Variants in HECTD4 observed in about 807,000 individuals in gnomAD.
HECTD4 encodes the protein HECT domain E3 ubiquitin protein ligase 4, also known as probable E3 ubiquitin-protein ligase HECTD4.
HECTD4 carries 114 observed loss-of-function variants against 471.5 expected under a neutral mutation model. That is an observed-to-expected ratio of 0.24 (90% CI 0.21 to 0.28). HECTD4 has a LOEUF of 0.28. Among genes scored for constraint, HECTD4 ranks in the 10% least tolerant of loss-of-function variants. The pLI, the probability that HECTD4 is intolerant of heterozygous loss-of-function variation, is 1.00. For synonymous variants in HECTD4, 2,012 were observed against 2,256.0 expected (o/e 0.89, Z 3.07); for missense variants, 3,866 against 5,651.5 (o/e 0.68, Z 10.13).
rs759442069 is a variant in HECTD4 at position 112,264,156 on chromosome 12, G to A, written c.2676C>T (p.Asn892=). The change falls in exon 17 of 76, where the codon AAC becomes AAT. Residue 892 remains asparagine, a synonymous_variant. Transcript: ENST00000682272. ...TCTCATCAGGTTTAATCAAAATAGT[G>A]TTACTGAGAAGGTGATTCTGAACTG... ...LMAVQNHLLS[N]TILIKPDEND... 3 of 1,607,140 alleles carry A rather than the reference G, an allele frequency of 1.9e-6. No individual in the cohort carries two copies. The highest frequency in any genetic ancestry group is 1.7e-6 in the Non-Finnish European group (2 of 1,176,656).
rs542050654 is a variant in HECTD4 at position 112,174,127 on chromosome 12, G to A, written c.11595-1266C>T. Among the ~76,000 whole-genome samples, 9 of 151,290 alleles carry A rather than the reference G, an allele frequency of 5.9e-5. No homozygotes were observed. The South Asian group carries it at 8.4e-4, about 14-fold the overall frequency. On this transcript the variant is annotated intron_variant, in intron 66 of 75. Coordinates refer to ENST00000682272, the MANE Select transcript of HECTD4 (RefSeq NM_001388303.1). ...CAAGTAGCTGGGATTACAGGCGTGC[G>A]CCACCACGCTCGGCTAATTTTTGTA...
chr12:112,257,470 A>G (rs2034042728), intron 20 of HECTD4, among the ~76,000 whole-genome samples: 1 of 152,220 alleles, frequency 6.6e-6, no homozygotes, highest in Non-Finnish European at 1.5e-5. Flanking sequence ...ACAACTTGAT[A>G]AGTTTGGACA....
chr12:112,168,570 G>C (rs1158750203), intron 70 of HECTD4, among the ~76,000 whole-genome samples: 2 of 152,190 alleles, frequency 1.3e-5, no homozygotes, highest in Non-Finnish European at 2.9e-5. Context: ...TGCTTGGTAA[G>C]AGCCATGTGG....
chr12:112,258,439 C>G (rs545366767), intron 20 of HECTD4, 57 bp downstream of exon 20: 7 of 1,246,466 alleles, frequency 5.6e-6, no homozygotes, highest in Non-Finnish European at 7.8e-6. Flanking sequence ...AGGAGTACTA[C>G]GCTTTCACCC....
Position 112,243,534 on chromosome 12 carries a change from G to T in HECTD4, c.4792-15C>A. 1 of 1,603,232 alleles carries T rather than the reference G, an allele frequency of 6.2e-7. No homozygotes were observed. The highest frequency in any genetic ancestry group is 8.5e-7 in the Non-Finnish European group (1 of 1,174,708). On this transcript the variant is annotated splice_polypyrimidine_tract_variant and intron_variant, in intron 31 of 75. Coordinates refer to ENST00000682272, the MANE Select transcript of HECTD4 (RefSeq NM_001388303.1). The surrounding 1 kb of genome is among the most constrained non-coding windows in gnomAD (Gnocchi z 6.6). The stretch of plus-strand genomic sequence containing the variant: ...CTGCTGGACACCTGAAACACACAAG[G>T]AGGGACACCTGACTCCTGCTAACTG...
At chr12:112,165,123 C>T (rs996965512) in intron 72 of HECTD4, among the ~76,000 whole-genome samples, 2 of 145,804 alleles carry the variant, frequency 1.4e-5, no homozygotes, top group African/African-American at 5.1e-5. Flanking sequence ...GTTTCACCAC[C>T]TTGGCCAGGC....
chr12:112,170,107 C>T, intron 69 of HECTD4: 2 of 606,682 alleles, frequency 3.3e-6, no homozygotes, highest in Middle Eastern at 4.5e-4. Context: ...CACCTGACCC[C>T]ATGCAGCTGG....
At position 112,163,446 on chromosome 12, in the gene HECTD4, G is replaced by A. The variant is rs2272308; in HGVS notation, c.12897+96C>T. 0.11 allele frequency: 121,982 copies of A among 1,153,552 alleles called. 7,652 individuals are homozygous for A. The highest frequency in any genetic ancestry group is 0.25 in the African/African-American group (15,907 of 63,754). The allele number at this position is 1,153,552 out of a possible 1,614,324, so 71.5% of individuals were successfully genotyped here. On this transcript the variant is annotated intron_variant, in intron 74 of 75. Transcript: ENST00000682272. The surrounding 1 kb of genome is among the most constrained non-coding windows in gnomAD (Gnocchi z 8.2). ...CTGTGGCAAGGACAGAGCTGAGACAGGCCACTGCCGATGCCTGCTGCTGGA... is the reference window on the plus strand; with the variant it reads ...CTGTGGCAAGGACAGAGCTGAGACAAGCCACTGCCGATGCCTGCTGCTGGA...
In HECTD4 at chr12:112,185,150, G is replaced by C. The variant is rs1440745471; in HGVS notation, c.9816C>G (p.Asn3272Lys). The change falls in exon 61 of 76, where the codon AAC becomes AAG. Residue 3272 changes from asparagine to lysine, a missense_variant. Physicochemically the swap from Asn to Lys is moderately conservative, Grantham distance 94. Coordinates refer to ENST00000682272, the MANE Select transcript of HECTD4 (RefSeq NM_001388303.1). ...TCACCCCACTGGCTGTGACACTCAT[G>C]TTAGTAGGCAGGGTCACTTCGGCCA... ...LAVAEVTLPT[N>K]MSVTASGVTS... The C allele has an allele frequency of 1.3e-6, 2 of 1,553,076 alleles. No homozygotes were observed. The highest frequency in any genetic ancestry group is 4.9e-5 in the East Asian group (2 of 41,128).
At chr12:112,231,478 T>A in intron 39 of HECTD4, 35 bp downstream of exon 39, 1 of 1,582,770 alleles carries the variant, frequency 6.3e-7, no homozygotes, top group Middle Eastern at 1.7e-4. Context: ...AAACCTGAGA[T>A]GAGTGTGGAC....
intron 18 of HECTD4, among the ~76,000 whole-genome samples, chr12:112,260,874 G>A (rs960886253): frequency 1.3e-5 from 2 of 152,046 alleles, no homozygotes; most frequent in Non-Finnish European, 2.9e-5. Flanking sequence ...CATGTATTTG[G>A]AGAAGTAAAA....
At chr12:112,219,754 C>T (rs1158539198) in intron 44 of HECTD4, among the ~76,000 whole-genome samples, 4 of 152,062 alleles carry the variant, frequency 2.6e-5, no homozygotes, top group African/African-American at 4.8e-5. Context: ...CACATGCCAC[C>T]GCGCCCGGTT....
At chr12:112,284,978 T>A (rs1247033811) in intron 7 of HECTD4, among the ~76,000 whole-genome samples, 2 of 152,094 alleles carry the variant, frequency 1.3e-5, no homozygotes, top group Admixed American at 1.3e-4. Flanking sequence ...ACCACAGGAA[T>A]GCGCCACCAC....
At chr12:112,205,644 T>G (rs908062449) in intron 52 of HECTD4, among the ~76,000 whole-genome samples, 1 of 151,660 alleles carries the variant, frequency 6.6e-6, no homozygotes, top group Non-Finnish European at 1.5e-5. Context: ...CAGGCTGGAG[T>G]GCAGTGGTGC....
intron 34 of HECTD4, among the ~76,000 whole-genome samples, chr12:112,237,842 C>T (rs1017405766): frequency 6.6e-6 from 1 of 151,906 alleles, no homozygotes; most frequent in African/African-American, 2.4e-5. Flanking sequence ...GCAACCTCCG[C>T]CTCCCAGGTT....
At chr12:112,309,494 C>T (rs1194382489) in intron 5 of HECTD4, 67 bp downstream of exon 5, 10 of 729,820 alleles carry the variant, frequency 1.4e-5, no homozygotes, top group Admixed American at 6.8e-5. Context: ...ACAGTGTCTT[C>T]TTCAGAGATT....
At position 112,163,532 on chromosome 12, in the gene HECTD4, G is replaced by A. The variant is rs1358664005; in HGVS notation, c.12897+10C>T. 6.9e-7 allele frequency: 1 copy of A among 1,456,552 alleles called. No homozygotes were observed. Among genetic ancestry groups the A allele is most frequent in the African/African-American group, 1.4e-5 (1 of 70,140 alleles). The allele number at this position is 1,456,552 out of a possible 1,614,324, so 90.2% of individuals were successfully genotyped here. Reference sequence around the variant, plus strand: ...CACCTCCCCGCCCAGCCTGGCCCTGGGATGTCTACCTTGAGGAACTCGAGG... The same window carrying A: ...CACCTCCCCGCCCAGCCTGGCCCTGAGATGTCTACCTTGAGGAACTCGAGG... On this transcript the variant is annotated intron_variant, in intron 74 of 75. Coordinates refer to ENST00000682272, the MANE Select transcript of HECTD4 (RefSeq NM_001388303.1). The surrounding 1 kb of genome is among the most constrained non-coding windows in gnomAD (Gnocchi z 8.2).
chr12:112,170,104 C>A, intron 69 of HECTD4: 1 of 600,852 alleles, frequency 1.7e-6, no homozygotes, highest in Non-Finnish European at 2.9e-6. Context: ...CCCCACCTGA[C>A]CCCATGCAGC....
rs149939224 is a variant in HECTD4 at position 112,195,898 on chromosome 12, A to C, written c.8568-832T>G. On this transcript the variant is annotated intron_variant, in intron 55 of 75. Coordinates refer to ENST00000682272, the MANE Select transcript of HECTD4 (RefSeq NM_001388303.1). ...TCTTATGGGCCAGGCGCAATGGCTT[A>C]CACCTGTAATTCTAGCACTTTGGGA... 2.1e-3 allele frequency among the ~76,000 whole-genome samples: 316 copies of C among 152,370 alleles called. 1 individual carries two copies. Among genetic ancestry groups the C allele is most frequent in the Middle Eastern group, 6.8e-3 (2 of 294 alleles).
Sources: allele counts gnomAD v4.1 joint callset (sites outside exome capture counted in the v4.1 genomes callset), GRCh38; gene constraint gnomAD v4.1.1; non-coding constraint Gnocchi (gnomAD v3.1); transcripts MANE v1.5; gene names NCBI Gene and HGNC (gene_info 2026-07-23, HGNC 2026-07-21).